The following TMEFF2 variants were observed in gnomAD, a reference collection of about 807,000 sequenced individuals.
TMEFF2 encodes the protein tomoregulin-2.
Under a neutral mutation model 53.8 loss-of-function variants are expected in TMEFF2, and 28 were observed. That is an observed-to-expected ratio of 0.52 (90% CI 0.39 to 0.71). The LOEUF (loss-of-function observed/expected upper bound fraction) is 0.71, where lower values mean the gene tolerates loss of function less well. Ranked by LOEUF, TMEFF2 falls within the 30% of genes least tolerant of loss-of-function variation. The probability of loss-of-function intolerance (pLI) is 0.00; values close to 1 mark genes in which losing one functional copy is unlikely to be tolerated. For missense variants in TMEFF2, 353 were observed against 455.2 expected (o/e 0.78, Z 2.04); for synonymous variants, 162 against 166.3 (o/e 0.97, Z 0.20).
chr2:192,128,857 G>A (rs148827426), intron 4 of TMEFF2, among the ~76,000 whole-genome samples: 1 of 152,190 alleles, frequency 6.6e-6, no homozygotes, highest in East Asian at 1.9e-4. Flanking sequence ...CACAGAAAAT[G>A]CATTTTCATT....
chr2:192,147,487 C>A (rs902267940), intron 4 of TMEFF2, among the ~76,000 whole-genome samples: 2 of 151,858 alleles, frequency 1.3e-5, no homozygotes, highest in African/African-American at 4.8e-5. Flanking sequence ...CCACTCCCCC[C>A]ACCCCACAAC....
intron 5 of TMEFF2, among the ~76,000 whole-genome samples, chr2:192,000,574 A>G (rs1157863834): frequency 1.3e-5 from 2 of 152,152 alleles, no homozygotes; most frequent in East Asian, 1.9e-4. Flanking sequence ...CTAACATTCT[A>G]TATTCTTAAG....
chr2:192,127,074 T>A (rs1013086187), intron 4 of TMEFF2, among the ~76,000 whole-genome samples: 1 of 152,188 alleles, frequency 6.6e-6, no homozygotes, highest in Non-Finnish European at 1.5e-5. Context: ...AATGAGATTA[T>A]TAGTGCCAAG....
chr2:191,988,245 G>A (rs1249952082), intron 7 of TMEFF2, among the ~76,000 whole-genome samples: 2 of 152,124 alleles, frequency 1.3e-5, no homozygotes, highest in African/African-American at 4.8e-5. Flanking sequence ...TCCCTGGTCT[G>A]CCTGTTGGTT....
chr2:191,977,067 A>C (rs1389322973), intron 7 of TMEFF2, among the ~76,000 whole-genome samples: 1 of 152,252 alleles, frequency 6.6e-6, no homozygotes, highest in Non-Finnish European at 1.5e-5. Flanking sequence ...AGTGCTCAAT[A>C]AATGAAAGTG....
At chr2:192,190,755 ATTCTC>A (rs563296015) in intron 2 of TMEFF2, among the ~76,000 whole-genome samples, 211 of 152,202 alleles carry the variant, frequency 1.4e-3, no homozygotes, top group Non-Finnish European at 2.4e-3. Context: ...TTAAATGTGA[ATTCTC>A]TTCTCTTTCT....
At chr2:191,986,069 A>G (rs1374600553) in intron 7 of TMEFF2, among the ~76,000 whole-genome samples, 1 of 152,238 alleles carries the variant, frequency 6.6e-6, no homozygotes, top group African/African-American at 2.4e-5. Flanking sequence ...ATTTTGTTCC[A>G]TGAGCAACAC....
Position 192,075,285 on chromosome 2 carries a change from TTA to T in TMEFF2, c.440-17512_440-17511del, listed in dbSNP as rs111733023. ...TTATTATACCCAGAGTACAGTACTA[TTA>T]TATATATATATATATATATATATAT... On this transcript the variant is annotated intron_variant, in intron 4 of 9. Coordinates refer to ENST00000272771, the MANE Select transcript of TMEFF2 (RefSeq NM_016192.4). Among the ~76,000 whole-genome samples, 217 of 65,696 alleles carry T rather than the reference TTA, an allele frequency of 3.3e-3. 1 individual carries two copies. Among genetic ancestry groups the T allele is most frequent in the Middle Eastern group, 0.024 (3 of 126 alleles). The allele number at this position is 65,696 out of a possible 152,430, so 43.1% of individuals were successfully genotyped here.
chr2:192,050,227 C>T (rs1687734178), intron 5 of TMEFF2, among the ~76,000 whole-genome samples: 1 of 152,016 alleles, frequency 6.6e-6, no homozygotes, highest in African/African-American at 2.4e-5. Flanking sequence ...TTCTTTATCC[C>T]CATATTTCTT....
chr2:192,082,857 A>G (rs1266503533), intron 4 of TMEFF2, among the ~76,000 whole-genome samples: 4 of 152,198 alleles, frequency 2.6e-5, no homozygotes, highest in Non-Finnish European at 4.4e-5. Context: ...AAAAAAACGG[A>G]AGAGAGTAAA....
intron 4 of TMEFF2, among the ~76,000 whole-genome samples, chr2:192,059,163 C>T (rs1006532096): frequency 1.5e-4 from 23 of 151,562 alleles, no homozygotes; most frequent in Non-Finnish European, 3.4e-4. Flanking sequence ...ACATTTTTTT[C>T]CTGTGCTTGA....
At chr2:192,132,227 T>C (rs1055064308) in intron 4 of TMEFF2, among the ~76,000 whole-genome samples, 103 of 152,084 alleles carry the variant, frequency 6.8e-4, no homozygotes, top group Non-Finnish European at 1.2e-3. Flanking sequence ...TGACTAGCCC[T>C]CCCCCACCTG....
intron 7 of TMEFF2, among the ~76,000 whole-genome samples, chr2:191,992,474 A>G (rs1252889793): frequency 1.3e-5 from 2 of 152,076 alleles, no homozygotes; most frequent in African/African-American, 4.8e-5. Flanking sequence ...TTACACAGGT[A>G]GGCAGTCAAA....
chr2:191,971,495 A>G (rs1692637666), intron 7 of TMEFF2, among the ~76,000 whole-genome samples: 1 of 152,214 alleles, frequency 6.6e-6, no homozygotes, highest in Non-Finnish European at 1.5e-5. Flanking sequence ...GATAAATCAA[A>G]CAGAGCCCCT....
rs555945742 is a variant in TMEFF2, at chr2:191,999,148, C to T, written c.597G>A (p.Gly199=). 2.5e-6 allele frequency: 4 copies of T among 1,612,410 alleles called. No homozygotes were observed. The East Asian group carries it at 8.9e-5, about 36-fold the overall frequency. Reference sequence around the variant, plus strand: ...TTTGGCATGCATTATCATAAGATTTCCCATCAGAAGCGCAGAGGGGATTGA... The same window carrying T: ...TTTGGCATGCATTATCATAAGATTTTCCATCAGAAGCGCAGAGGGGATTGA... The part of the protein sequence containing the change: ...TNFNPLCASD[G]KSYDNACQIK... The change falls in exon 6 of 10, where the codon GGG becomes GGA. Residue 199 remains glycine, a synonymous_variant. Coordinates refer to ENST00000272771, the MANE Select transcript of TMEFF2 (RefSeq NM_016192.4).
chr2:192,188,596 C>T (rs1008217761), intron 2 of TMEFF2, among the ~76,000 whole-genome samples: 2 of 152,096 alleles, frequency 1.3e-5, no homozygotes, highest in African/African-American at 4.8e-5. Flanking sequence ...CAGTCTGTTA[C>T]GCAGCTTTAC....
intron 5 of TMEFF2, among the ~76,000 whole-genome samples, chr2:192,004,608 C>T (rs1016331763): frequency 6.6e-6 from 1 of 151,918 alleles, no homozygotes; most frequent in Non-Finnish European, 1.5e-5. Context: ...TAGTGAGACC[C>T]CGTCTCTAAA....
chr2:192,173,627 G>C (rs373782754), intron 4 of TMEFF2, among the ~76,000 whole-genome samples: 48 of 151,920 alleles, frequency 3.2e-4, no homozygotes, highest in South Asian at 2.1e-4. Flanking sequence ...ATTATGTACT[G>C]TTTTGAAATT....
At chr2:192,097,363 A>G (rs1688937668) in intron 4 of TMEFF2, among the ~76,000 whole-genome samples, 1 of 152,222 alleles carries the variant, frequency 6.6e-6, no homozygotes, top group Non-Finnish European at 1.5e-5. Flanking sequence ...TATCTACTCA[A>G]TCAAAACTTA....
Sources: gnomAD v4.1 joint callset for allele counts (sites outside exome capture counted in the v4.1 genomes callset) on GRCh38, gnomAD v4.1.1 for gene constraint, MANE v1.5 for transcripts, NCBI Gene and HGNC (gene_info 2026-07-23, HGNC 2026-07-21) for gene names.